LRP1B: variants seen among roughly 807,000 people sequenced by gnomAD.
LRP1B encodes the protein LDL receptor related protein 1B.
LRP1B carries 217 observed loss-of-function variants against 556.6 expected under a neutral mutation model. The ratio of observed to expected loss-of-function variants is 0.39; its 90% confidence interval spans 0.35 to 0.44. The LOEUF is 0.44. Among genes scored for constraint, LRP1B ranks in the 20% least tolerant of loss-of-function variants. LRP1B has a pLI of 1.00. For synonymous variants in LRP1B, 2,047 were observed against 1,865.8 expected, an observed-to-expected ratio of 1.10 and a Z score of -2.50; for missense variants, 5,053 against 5,620.8, an observed-to-expected ratio of 0.90 and a Z score of 3.23.
At chr2:141,398,356 C>G (rs1690322356) in intron 3 of LRP1B, among the ~76,000 whole-genome samples, 1 of 152,114 alleles carries the variant, frequency 6.6e-6, no homozygotes, top group African/African-American at 2.4e-5. Flanking sequence ...AAAGTATGCT[C>G]AAAAGGTGGC....
At chr2:140,252,072 A>AAAAG (rs1224124227) in intron 86 of LRP1B, among the ~76,000 whole-genome samples, 3 of 120,412 alleles carry the variant, frequency 2.5e-5, no homozygotes, top group African/African-American at 6.5e-5. Context: ...CAAAAAAAAA[A>AAAAG]AAAAAAAAAA....
chr2:140,445,368 C>T (rs1241510160), intron 63 of LRP1B, among the ~76,000 whole-genome samples: 4 of 152,026 alleles, frequency 2.6e-5, no homozygotes, highest in South Asian at 4.1e-4. Context: ...CTGCCCCCCT[C>T]GGGCACCAAG....
At chr2:141,673,205 C>A (rs1302398680) in intron 2 of LRP1B, among the ~76,000 whole-genome samples, 1 of 152,124 alleles carries the variant, frequency 6.6e-6, no homozygotes, top group Admixed American at 6.5e-5. Flanking sequence ...TTCCACAATC[C>A]TGAAAGCAGT....
intron 2 of LRP1B, among the ~76,000 whole-genome samples, chr2:141,694,409 T>C (rs999964654): frequency 6.6e-6 from 1 of 152,182 alleles, no homozygotes; most frequent in Middle Eastern, 3.4e-3. Flanking sequence ...GCCACAAACA[T>C]GGCCTGAGTG....
intron 2 of LRP1B, among the ~76,000 whole-genome samples, chr2:141,741,469 CCTGT>C (rs1693704107): frequency 6.6e-6 from 1 of 150,922 alleles, no homozygotes; most frequent in Non-Finnish European, 1.5e-5. Flanking sequence ...TTTGTTATTG[CCTGT>C]CTTTTGCATA....
intron 1 of LRP1B, among the ~76,000 whole-genome samples, chr2:142,101,210 G>A (rs1295250539): frequency 6.6e-6 from 1 of 151,928 alleles, no homozygotes; most frequent in African/African-American, 2.4e-5. Flanking sequence ...CCACAGCCAG[G>A]CTGGATATCC....
chr2:141,721,200 A>G (rs1692798201), intron 2 of LRP1B, among the ~76,000 whole-genome samples: 1 of 152,190 alleles, frequency 6.6e-6, no homozygotes, highest in Non-Finnish European at 1.5e-5. Flanking sequence ...TGTTTTCTAT[A>G]TCATGTTCCT....
chr2:141,799,091 T>C (rs1695919226), intron 2 of LRP1B, among the ~76,000 whole-genome samples: 1 of 151,378 alleles, frequency 6.6e-6, no homozygotes, highest in African/African-American at 2.4e-5. Context: ...TATAAATGAG[T>C]TTTGTGTAAG....
rs573507910 is a variant in LRP1B at position 140,586,806 on chromosome 2, G to A, written c.7194+11825C>T. 3 of 152,170 alleles carry A rather than the reference G, an allele frequency of 2.0e-5. No homozygotes were observed. In the East Asian group the frequency reaches 5.8e-4, roughly 29 times the overall value. The allele number at this position is 152,170 out of a possible 1,614,324, so 9.4% of individuals were successfully genotyped here. A position where few individuals can be genotyped will look rare whatever the true frequency, so the allele number is the denominator to read the frequency against. On this transcript the variant is annotated intron_variant, in intron 43 of 90. Coordinates refer to ENST00000389484, the MANE Select transcript of LRP1B (RefSeq NM_018557.3). ...TACGGAGATACATGCAGTAGAACATGTTCAAGTTCAAACAAAATTACTCAT... is the reference window on the plus strand; with the variant it reads ...TACGGAGATACATGCAGTAGAACATATTCAAGTTCAAACAAAATTACTCAT...
At chr2:140,859,517 G>A (rs753275875) in intron 27 of LRP1B, among the ~76,000 whole-genome samples, 6 of 151,854 alleles carry the variant, frequency 4.0e-5, no homozygotes, top group Non-Finnish European at 7.4e-5. Context: ...AAATCATTTC[G>A]ATGTTAAACT....
intron 72 of LRP1B, 101 bp downstream of exon 72, chr2:140,364,560 G>A (rs2105150694): frequency 7.3e-7 from 1 of 1,367,864 alleles, no homozygotes; most frequent in South Asian, 1.4e-5. Context: ...CTAACCCCAG[G>A]ATGGTATAAT....
chr2:141,746,083 G>A (rs1344520853), intron 2 of LRP1B, among the ~76,000 whole-genome samples: 1 of 151,986 alleles, frequency 6.6e-6, no homozygotes, highest in East Asian at 1.9e-4. Context: ...GTCTCTTTTG[G>A]AGTCAGGAGC....
At chr2:140,642,637 C>A (rs1416969072) in intron 41 of LRP1B, among the ~76,000 whole-genome samples, 1 of 151,984 alleles carries the variant, frequency 6.6e-6, no homozygotes, top group Non-Finnish European at 1.5e-5. Context: ...GTCAGGAGAT[C>A]GAGACCATCC....
At chr2:141,557,440 G>T (rs149706191) in intron 2 of LRP1B, among the ~76,000 whole-genome samples, 3 of 152,040 alleles carry the variant, frequency 2.0e-5, no homozygotes, top group Admixed American at 1.3e-4. Flanking sequence ...TTAAGTGCAT[G>T]TGAATAACCG....
chr2:141,298,707 C>G (rs1686279359), intron 3 of LRP1B, among the ~76,000 whole-genome samples: 1 of 152,062 alleles, frequency 6.6e-6, no homozygotes. Flanking sequence ...GTAATACCAG[C>G]ACTTTGGGAG....
chr2:140,536,217 GTT>G (rs1690960118), intron 46 of LRP1B, among the ~76,000 whole-genome samples: 1 of 143,546 alleles, frequency 7.0e-6, no homozygotes, highest in Non-Finnish European at 1.5e-5. Flanking sequence ...ACGGAGTGCT[GTT>G]ATCCTAGCAC....
At chr2:141,724,239 T>G (rs1692946467) in intron 2 of LRP1B, among the ~76,000 whole-genome samples, 1 of 151,930 alleles carries the variant, frequency 6.6e-6, no homozygotes. Flanking sequence ...AAACTACATA[T>G]AAGGATTCAT....
At chr2:140,860,763 A>C (rs1214555069) in intron 27 of LRP1B, among the ~76,000 whole-genome samples, 1 of 152,138 alleles carries the variant, frequency 6.6e-6, no homozygotes, top group African/African-American at 2.4e-5. Context: ...GGTTTATGAG[A>C]AAATTTAACC....
chr2:140,344,982 T>G (rs1681578953), intron 77 of LRP1B, among the ~76,000 whole-genome samples: 1 of 151,800 alleles, frequency 6.6e-6, no homozygotes. Context: ...ACAGGCTTAT[T>G]ATTACATAAT....
Sources: gnomAD v4.1 joint callset for allele counts (sites outside exome capture counted in the v4.1 genomes callset) on GRCh38, gnomAD v4.1.1 for gene constraint, MANE v1.5 for transcripts, NCBI Gene and HGNC (gene_info 2026-07-23, HGNC 2026-07-21) for gene names.